The following CAP2 variants were observed in gnomAD, a reference collection of about 807,000 sequenced individuals.
CAP2 encodes the protein cyclase associated actin cytoskeleton regulatory protein 2, also known as adenylyl cyclase-associated protein 2.
Under a neutral mutation model 57.7 loss-of-function variants are expected in CAP2, and 24 were observed. The observed-to-expected ratio is 0.42, with a 90% CI of 0.30 to 0.58. The LOEUF is 0.58. Ranked by LOEUF, CAP2 falls within the 20% of genes least tolerant of loss-of-function variation. The pLI is 0.22. For synonymous variants in CAP2, 194 were observed against 207.2 expected, an observed-to-expected ratio of 0.94 and a Z score of 0.55; for missense variants, 501 against 590.3, an observed-to-expected ratio of 0.85 and a Z score of 1.57.
chr6:17,476,330 A>G (rs1233835312), intron 4 of CAP2, among the ~76,000 whole-genome samples: 1 of 152,242 alleles, frequency 6.6e-6, no homozygotes, highest in African/African-American at 2.4e-5. Flanking sequence ...ATGGATGGCC[A>G]TAGTAAATAA....
intron 11 of CAP2, among the ~76,000 whole-genome samples, chr6:17,545,434 G>A (rs1763019186): frequency 6.6e-6 from 1 of 151,650 alleles, no homozygotes; most frequent in Non-Finnish European, 1.5e-5. Flanking sequence ...GTTTTTGGAG[G>A]GAGAAAAAAA....
At chr6:17,393,955 G>T (rs916645251) in intron 1 of CAP2, among the ~76,000 whole-genome samples, 6 of 147,694 alleles carry the variant, frequency 4.1e-5, no homozygotes, top group Non-Finnish European at 7.5e-5. Context: ...CGGGGCGCGG[G>T]CGCGGGCGGA....
At chr6:17,493,459 C>G (rs751502) in intron 4 of CAP2, 177,305 of 266,580 alleles carry the variant, frequency 0.67, 60,453 homozygotes, top group East Asian at 0.74. Context: ...ACAGACTGTA[C>G]CCATAATGGA....
chr6:17,438,107 C>T (rs956032727), intron 3 of CAP2, among the ~76,000 whole-genome samples: 6 of 146,882 alleles, frequency 4.1e-5, no homozygotes, highest in Non-Finnish European at 7.4e-5. Context: ...GTGGCTCAGG[C>T]CTGTAATCCC....
intron 3 of CAP2, among the ~76,000 whole-genome samples, chr6:17,444,242 T>TAAATGGATGAATCA (rs1760180507): frequency 6.6e-6 from 1 of 152,182 alleles, no homozygotes; most frequent in Non-Finnish European, 1.5e-5. Context: ...AACAAGTATT[T>TAAATGGATGAATCA]AAATGGATGA....
chr6:17,424,256 T>C (rs369382660), intron 2 of CAP2, among the ~76,000 whole-genome samples: 220 of 152,034 alleles, frequency 1.4e-3, no homozygotes, highest in African/African-American at 4.5e-3. Context: ...AAAAATTAGC[T>C]GGGCGTGGTG....
At chr6:17,491,392 A>G (rs567414659) in intron 4 of CAP2, among the ~76,000 whole-genome samples, 1 of 152,352 alleles carries the variant, frequency 6.6e-6, no homozygotes, top group Admixed American at 6.5e-5. Flanking sequence ...AGCAATAATT[A>G]TTCCATTTCG....
chr6:17,393,944 G>T (rs1427686077), intron 1 of CAP2, among the ~76,000 whole-genome samples, 198 bp downstream of exon 1: 2 of 147,070 alleles, frequency 1.4e-5, no homozygotes, highest in Non-Finnish European at 3.0e-5. Flanking sequence ...CGACCCGGGC[G>T]CGGGGCGCGG....
intron 4 of CAP2, among the ~76,000 whole-genome samples, chr6:17,498,806 G>A (rs893535630): frequency 2.0e-5 from 3 of 151,850 alleles, no homozygotes; most frequent in African/African-American, 7.3e-5. Flanking sequence ...TCTGCTCACC[G>A]CAAGCTCCGC....
At chr6:17,443,914 CAAATATAAGATGTTTT>C (rs1220644723) in intron 3 of CAP2, among the ~76,000 whole-genome samples, 1 of 152,100 alleles carries the variant, frequency 6.6e-6, no homozygotes, top group Non-Finnish European at 1.5e-5. Flanking sequence ...TTTCATGTAT[CAAATATAAGATGTTTT>C]AGTGATGTAA....
intron 7 of CAP2, among the ~76,000 whole-genome samples, chr6:17,524,824 C>T (rs1240982515): frequency 6.6e-6 from 1 of 151,956 alleles, no homozygotes; most frequent in Non-Finnish European, 1.5e-5. Context: ...TGCCCAGCCC[C>T]AGTCAAGCCT....
At chr6:17,515,352 C>G (rs532781999) in intron 7 of CAP2, among the ~76,000 whole-genome samples, 27 of 152,256 alleles carry the variant, frequency 1.8e-4, no homozygotes, top group African/African-American at 6.5e-4. Flanking sequence ...CTAATTAACT[C>G]AGGAACAGAA....
intron 3 of CAP2, among the ~76,000 whole-genome samples, chr6:17,453,748 G>T (rs1048303122): frequency 6.6e-6 from 1 of 152,066 alleles, no homozygotes; most frequent in Non-Finnish European, 1.5e-5. Flanking sequence ...AGTAGGCTCA[G>T]GTCAGTAGAC....
At chr6:17,447,622 C>T (rs567267494) in intron 3 of CAP2, among the ~76,000 whole-genome samples, 7 of 152,336 alleles carry the variant, frequency 4.6e-5, no homozygotes, top group African/African-American at 9.6e-5. Context: ...CCCCAGCCTC[C>T]GGCGTAGCTG....
intron 4 of CAP2, among the ~76,000 whole-genome samples, chr6:17,484,408 G>A (rs1761371526): frequency 6.6e-6 from 1 of 152,174 alleles, no homozygotes; most frequent in Non-Finnish European, 1.5e-5. Context: ...GTGCCTCTTT[G>A]TCAGACATAC....
chr6:17,507,046 G>A (rs1239386729), intron 4 of CAP2, 123 bp from the exon 5 acceptor site: 2 of 888,604 alleles, frequency 2.3e-6, no homozygotes, highest in Non-Finnish European at 3.7e-6. Context: ...ATGATTATAT[G>A]TTTCTTTTAG....
chr6:17,530,781 T>G, intron 7 of CAP2: 2 of 539,928 alleles, frequency 3.7e-6, no homozygotes, highest in South Asian at 4.3e-5. Context: ...TCCAAGAGAC[T>G]GTCAGGTGAT....
chr6:17,535,289 T>TG (rs1762746124), intron 7 of CAP2, among the ~76,000 whole-genome samples: 1 of 151,710 alleles, frequency 6.6e-6, no homozygotes, highest in Non-Finnish European at 1.5e-5. Context: ...TTTTTTTTTT[T>TG]TTGAGATGGA....
At chr6:17,548,027 C>T (rs1561825278) in intron 11 of CAP2, among the ~76,000 whole-genome samples, 1 of 151,682 alleles carries the variant, frequency 6.6e-6, no homozygotes, top group African/African-American at 2.4e-5. Context: ...ATAATATGAA[C>T]ATGCAAAAAT....
Sources: gnomAD v4.1 joint callset for allele counts (sites outside exome capture counted in the v4.1 genomes callset) on GRCh38, gnomAD v4.1.1 for gene constraint, MANE v1.5 for transcripts, NCBI Gene and HGNC (gene_info 2026-07-23, HGNC 2026-07-21) for gene names.